ULK4: variants seen among roughly 807,000 people sequenced by gnomAD.
ULK4 encodes inactive serine/threonine-protein kinase ULK4.
A neutral mutation model predicts 160.6 loss-of-function variants in ULK4; 133 were observed. The observed-to-expected ratio is 0.83, with a 90% confidence interval of 0.72 to 0.96. The LOEUF is 0.96. Ranked by LOEUF, ULK4 falls within the 40% of genes least tolerant of loss-of-function variation. The pLI is 0.00. For synonymous variants in ULK4, 534 were observed against 539.8 expected (o/e 0.99, Z 0.15); for missense variants, 1,580 against 1,499.5 (o/e 1.05, Z -0.89).
At chr3:41,872,192 T>C (rs1005868987) in intron 17 of ULK4, among the ~76,000 whole-genome samples, 17 of 152,170 alleles carry the variant, frequency 1.1e-4, no homozygotes, top group African/African-American at 4.1e-4. Context: ...TTAAAGGTGT[T>C]TACCAAGCCC....
intron 35 of ULK4, among the ~76,000 whole-genome samples, chr3:41,278,997 C>T (rs60816218): frequency 1.3e-5 from 2 of 152,052 alleles, no homozygotes; most frequent in Admixed American, 6.5e-5. Flanking sequence ...TAACAAACTT[C>T]TCCGACCTAA....
chr3:41,363,429 C>G (rs1175735702), intron 35 of ULK4, among the ~76,000 whole-genome samples: 3 of 152,206 alleles, frequency 2.0e-5, no homozygotes, highest in East Asian at 3.9e-4. Context: ...TTCCTCTGTG[C>G]TGGGAGGTTC....
At chr3:41,380,528 T>C (rs538481053) in intron 35 of ULK4, among the ~76,000 whole-genome samples, 2 of 151,862 alleles carry the variant, frequency 1.3e-5, no homozygotes, top group Admixed American at 6.6e-5. Flanking sequence ...TGGGTGGAGG[T>C]CACCTCTGTC....
At chr3:41,645,584 C>T (rs972180035) in intron 30 of ULK4, among the ~76,000 whole-genome samples, 19 of 151,948 alleles carry the variant, frequency 1.3e-4, no homozygotes, top group African/African-American at 4.6e-4. Context: ...TGTTCTTTTA[C>T]ATTTGCTGAG....
rs571441350 is a variant in ULK4, at chr3:41,775,738, A to G, written c.2193+13923T>C. On this transcript the variant is annotated intron_variant, in intron 21 of 36. Transcript: ENST00000301831. ...TTTTAAACATTGAAACAACATAAAT[A>G]TGGAAATGAACTACTCACATACGTT... Among the ~76,000 whole-genome samples, 21 of 150,998 alleles carry G rather than the reference A, an allele frequency of 1.4e-4. 1 individual carries two copies. Among genetic ancestry groups the G allele is most frequent in the African/African-American group, 3.2e-4 (13 of 40,326 alleles).
intron 35 of ULK4, among the ~76,000 whole-genome samples, chr3:41,332,830 C>G (rs556886330): frequency 6.6e-6 from 1 of 152,156 alleles, no homozygotes; most frequent in Non-Finnish European, 1.5e-5. Flanking sequence ...TAGTAGTCCT[C>G]TGTGTCTATT....
At chr3:41,742,305 A>G (rs2038267766) in intron 22 of ULK4, among the ~76,000 whole-genome samples, 1 of 152,042 alleles carries the variant, frequency 6.6e-6, no homozygotes, top group Non-Finnish European at 1.5e-5. Context: ...TATAAGACCC[A>G]GCAGAGGGCT....
At chr3:41,265,389 C>A (rs560698361) in intron 35 of ULK4, among the ~76,000 whole-genome samples, 1 of 152,222 alleles carries the variant, frequency 6.6e-6, no homozygotes, top group Non-Finnish European at 1.5e-5. Flanking sequence ...GGTAGGGCCA[C>A]GCAAACTCAG....
intron 30 of ULK4, among the ~76,000 whole-genome samples, chr3:41,645,143 A>T (rs558443874): frequency 2.5e-3 from 374 of 152,026 alleles, no homozygotes; most frequent in African/African-American, 8.6e-3. Context: ...TCAAAAAACC[A>T]GCTCCTGGAT....
chr3:41,742,411 C>A (rs988333475), intron 22 of ULK4, among the ~76,000 whole-genome samples: 2 of 151,816 alleles, frequency 1.3e-5, no homozygotes, highest in Non-Finnish European at 2.9e-5. Flanking sequence ...TCTTCCATTC[C>A]CAACCAGCAG....
chr3:41,510,719 G>T (rs1184296292), intron 32 of ULK4, among the ~76,000 whole-genome samples: 1 of 152,146 alleles, frequency 6.6e-6, no homozygotes, highest in Non-Finnish European at 1.5e-5. Flanking sequence ...TAAATAATCT[G>T]CTCCTGAATG....
At chr3:41,311,209 TGATTG>T (rs532663800) in intron 35 of ULK4, among the ~76,000 whole-genome samples, 6 of 152,290 alleles carry the variant, frequency 3.9e-5, no homozygotes, top group African/African-American at 1.2e-4. Flanking sequence ...AGTGTCAACT[TGATTG>T]GATTGAAGGA....
chr3:41,530,265 C>A (rs75911488), intron 32 of ULK4, among the ~76,000 whole-genome samples: 4,293 of 152,160 alleles, frequency 0.028, 181 homozygotes, highest in African/African-American at 0.093. Flanking sequence ...CTTAAAATCA[C>A]CACAACTCTA....
intron 35 of ULK4, among the ~76,000 whole-genome samples, chr3:41,372,620 T>C (rs2081392797): frequency 6.6e-6 from 1 of 152,146 alleles, no homozygotes; most frequent in South Asian, 2.1e-4. Context: ...AGGCCTGCCT[T>C]ACAAGAGCTC....
chr3:41,322,757 A>AT (rs1401367797), intron 35 of ULK4, among the ~76,000 whole-genome samples: 1 of 152,230 alleles, frequency 6.6e-6, no homozygotes, highest in African/African-American at 2.4e-5. Context: ...ACTGTATCCA[A>AT]TATTTTTACT....
chr3:41,497,905 T>C (rs922203043), intron 32 of ULK4, among the ~76,000 whole-genome samples: 1 of 151,956 alleles, frequency 6.6e-6, no homozygotes, highest in Non-Finnish European at 1.5e-5. Flanking sequence ...AATAATAATA[T>C]GTAAAGCAAC....
At chr3:41,695,422 G>A (rs1374654660) in intron 27 of ULK4, among the ~76,000 whole-genome samples, 4 of 152,088 alleles carry the variant, frequency 2.6e-5, no homozygotes, top group Non-Finnish European at 5.9e-5. Context: ...TCAGAGAAAT[G>A]ACTAATTTCA....
intron 22 of ULK4, among the ~76,000 whole-genome samples, chr3:41,750,615 C>CA (rs148818032): frequency 0.01 from 1,519 of 151,688 alleles, 21 homozygotes; most frequent in African/African-American, 0.034. Context: ...CTTTCCAAAA[C>CA]AAAAAAAACA....
intron 35 of ULK4, among the ~76,000 whole-genome samples, chr3:41,279,653 T>C (rs933296757): frequency 1.3e-5 from 2 of 152,208 alleles, no homozygotes; most frequent in African/African-American, 4.8e-5. Flanking sequence ...GGGGCCAATA[T>C]TCAACATTCT....
Sources: gnomAD v4.1 joint callset for allele counts (sites outside exome capture counted in the v4.1 genomes callset) on GRCh38, gnomAD v4.1.1 for gene constraint, MANE v1.5 for transcripts, NCBI Gene and HGNC (gene_info 2026-07-23, HGNC 2026-07-21) for gene names.